Variants in DNAH2 observed in about 807,000 individuals in gnomAD.
The protein encoded by DNAH2 is dynein axonemal heavy chain 2.
DNAH2 carries 323 observed loss-of-function variants against 523.5 expected under a neutral mutation model. The observed-to-expected ratio is 0.62, with a 90% CI of 0.56 to 0.68. The LOEUF (loss-of-function observed/expected upper bound fraction) is 0.68, where lower values mean the gene tolerates loss of function less well. Ranked by LOEUF, DNAH2 falls within the 30% of genes least tolerant of loss-of-function variation. The pLI, the probability that DNAH2 is intolerant of heterozygous loss-of-function variation, is 0.00. For synonymous variants in DNAH2, 2,093 were observed against 2,177.4 expected, an observed-to-expected ratio of 0.96 and a Z score of 1.08; for missense variants, 4,907 against 5,701.5, an observed-to-expected ratio of 0.86 and a Z score of 4.49.
Position 7,786,573 on chromosome 17 carries a change from T to C in DNAH2, c.6352T>C (p.Phe2118Leu), listed in dbSNP as rs1219713263. 2 of 1,613,102 alleles carry C rather than the reference T, an allele frequency of 1.2e-6. No individual in the cohort carries two copies. Among genetic ancestry groups the C allele is most frequent in the Non-Finnish European group, 8.5e-7 (1 of 1,179,636 alleles). The change falls in exon 41 of 86, where the codon TTC becomes CTC. Residue 2118 changes from phenylalanine (F) to leucine (L), a missense_variant. Around this residue, in one of 3 missense-constraint regions of DNAH2, gnomAD observed 2,806 missense variants for 3,190.8 expected, o/e 0.88. Transcript: ENST00000572933. The surrounding 1 kb of genome is among the most constrained non-coding windows in gnomAD (Gnocchi z 7.5). The part of the protein sequence containing the change: ...GDPNFNIVRE[F>L]PLNPKALSLG... Reference sequence around the variant, plus strand: ...CCCCTTCCGGTGTCATTTTCAGGAGTTCCCTTTGAACCCCAAGGCATTGTC... The same window carrying C: ...CCCCTTCCGGTGTCATTTTCAGGAGCTCCCTTTGAACCCCAAGGCATTGTC...
chr17:7,736,475 T>C (rs772723597), intron 7 of DNAH2, among the ~76,000 whole-genome samples: 5 of 152,142 alleles, frequency 3.3e-5, no homozygotes, highest in Non-Finnish European at 7.3e-5. Context: ...TGAATTCAAC[T>C]GGAGAAAACA....
chr17:7,755,990 A>G (rs1349140459), intron 12 of DNAH2, among the ~76,000 whole-genome samples: 1 of 151,966 alleles, frequency 6.6e-6, no homozygotes, highest in East Asian at 2.0e-4. Flanking sequence ...TAATCCCAGC[A>G]CTTTGGGTGC....
Position 7,718,809 on chromosome 17 carries a change from A to G in DNAH2, c.-15+10A>G, listed in dbSNP as rs1191491807. 2 of 152,734 alleles carry G rather than the reference A, an allele frequency of 1.3e-5. No individual in the cohort carries two copies. The highest frequency in any genetic ancestry group is 4.8e-5 in the African/African-American group (2 of 41,430). 9.5% of individuals were successfully genotyped at this position (152,734 alleles called of 1,614,324 possible). A position where few individuals can be genotyped will look rare whatever the true frequency, so the allele number is the denominator to read the frequency against. On this transcript the variant is annotated intron_variant, in intron 1 of 85. Transcript: ENST00000572933. Reference sequence around the variant, plus strand: ...AAAGCGATAGACCCAGGTGGCAAATACTGTTTTTCTCTGTTTACAGATGTT... The same window carrying G: ...AAAGCGATAGACCCAGGTGGCAAATGCTGTTTTTCTCTGTTTACAGATGTT...
intron 48 of DNAH2, among the ~76,000 whole-genome samples, chr17:7,793,487 CTTT>C (rs2076968920): frequency 1.5e-5 from 2 of 134,998 alleles, no homozygotes; most frequent in Admixed American, 7.5e-5. Context: ...TTCTTTCTTT[CTTT>C]CTTTCTTTCT....
chr17:7,744,883 G>A (rs2085107645), intron 12 of DNAH2, among the ~76,000 whole-genome samples: 1 of 152,108 alleles, frequency 6.6e-6, no homozygotes, highest in African/African-American at 2.4e-5. Context: ...GATGCCCTTG[G>A]TGTTTATGGA....
intron 77 of DNAH2, among the ~76,000 whole-genome samples, chr17:7,825,469 G>A (rs1284304153): frequency 6.6e-6 from 1 of 152,132 alleles, no homozygotes; most frequent in African/African-American, 2.4e-5. Context: ...GGCCACTTGG[G>A]GCAGCTGTCA....
intron 12 of DNAH2, among the ~76,000 whole-genome samples, chr17:7,751,510 A>G (rs1386893079): frequency 6.6e-6 from 1 of 152,156 alleles, no homozygotes; most frequent in Admixed American, 6.5e-5. Context: ...GTGTAGAGAA[A>G]GAGGTGCAGA....
At chr17:7,740,370 T>G (rs748586125) in intron 9 of DNAH2, 50 bp from the exon 10 acceptor site, 6 of 1,606,680 alleles carry the variant, frequency 3.7e-6, no homozygotes, top group Non-Finnish European at 5.1e-6. Flanking sequence ...GGGTTGGAGT[T>G]GGGGGCAGGC....
intron 8 of DNAH2, chr17:7,739,123 T>C (rs544888677): frequency 6.5e-6 from 4 of 619,662 alleles, no homozygotes; most frequent in South Asian, 5.2e-5. Flanking sequence ...ATTGAACTTA[T>C]GGCCAGGCGC....
rs533738585 is a variant in DNAH2 at position 7,792,421 on chromosome 17, A to G, written c.7145+78A>G. 48 of 1,458,348 alleles carry G rather than the reference A, an allele frequency of 3.3e-5. No individual in the cohort carries two copies. In the East Asian group the frequency reaches 9.5e-4, roughly 29 times the overall value. The allele number at this position is 1,458,348 out of a possible 1,614,324, so 90.3% of individuals were successfully genotyped here. A position where few individuals can be genotyped will look rare whatever the true frequency, so the allele number is the denominator to read the frequency against. ...ATGTGGCAAGAGAGATGGGGCCTAG[A>G]AGCAAAAATGAGCAATAGGAAGGAG... is the stretch of plus-strand genomic sequence containing the variant. On this transcript the variant is annotated intron_variant, in intron 46 of 85. Transcript: ENST00000572933.
At chr17:7,747,844 G>C (rs307621) in intron 12 of DNAH2, among the ~76,000 whole-genome samples, 115,507 of 152,136 alleles carry the variant, frequency 0.76, 44,865 homozygotes, top group East Asian at 1. Context: ...GAAAGAACAC[G>C]ATCACAGTGA....
chr17:7,821,095 G>A lies in DNAH2; in HGVS notation c.11016-148G>A, dbSNP rs117546032. The A allele has an allele frequency of 1.8e-3, 1,959 of 1,093,698 alleles. 3 individuals carry two copies. Among genetic ancestry groups the A allele is most frequent in the Non-Finnish European group, 2.1e-3 (1,698 of 791,656 alleles). The allele number at this position is 1,093,698 out of a possible 1,614,324, so 67.7% of individuals were successfully genotyped here. On this transcript the variant is annotated intron_variant, in intron 72 of 85. Transcript: ENST00000572933. The surrounding 1 kb of genome is among the most constrained non-coding windows in gnomAD (Gnocchi z 5.0). Reference sequence around the variant, plus strand: ...GGGAAATTCTTGTGTCTAGGCCCCTGAGTCCTCAGCTGTTTCCAGGAGGTT... The same window carrying A: ...GGGAAATTCTTGTGTCTAGGCCCCTAAGTCCTCAGCTGTTTCCAGGAGGTT...
chr17:7,760,024 T>C lies in DNAH2; in HGVS notation c.2785+86T>C. ...GCCAGGAGGAGAGACCAGGGCTATT[T>C]CCAGGCATACTGGGCCAGTCACCTC... On this transcript the variant is annotated intron_variant, in intron 17 of 85. Coordinates refer to ENST00000572933, the MANE Select transcript of DNAH2 (RefSeq NM_020877.5). This position sits in a 1 kb window ranked among gnomAD's most constrained non-coding sequence, Gnocchi z 4.0. The C allele has an allele frequency of 6.3e-7, 1 of 1,590,576 alleles. No individual in the cohort carries two copies.
chr17:7,798,621 A>G lies in DNAH2; in HGVS notation c.8462A>G (p.Asp2821Gly). The G allele has an allele frequency of 6.2e-7, 1 of 1,614,074 alleles. No homozygotes were observed. Among genetic ancestry groups the G allele is most frequent in the East Asian group, 2.2e-5 (1 of 44,882 alleles). Reference sequence around the variant, plus strand: ...AAGACCACGTCCTTCATTTTTGTGGACACCCAAATAGCTGATGAGTCCTTC... The same window carrying G: ...AAGACCACGTCCTTCATTTTTGTGGGCACCCAAATAGCTGATGAGTCCTTC... ...ELKTTSFIFV[D>G]TQIADESFLE... The change falls in exon 55 of 86, where the codon GAC becomes GGC. Residue 2821 changes from aspartate (D) to glycine (G), a missense_variant. Transcript: ENST00000572933. This position sits in a 1 kb window ranked among gnomAD's most constrained non-coding sequence, Gnocchi z 5.5.
At chr17:7,799,879 T>C (rs1232863437) in intron 56 of DNAH2, among the ~76,000 whole-genome samples, 3 of 152,150 alleles carry the variant, frequency 2.0e-5, no homozygotes, top group Non-Finnish European at 2.9e-5. Flanking sequence ...AGTGCAGTGC[T>C]CAGTCGTGTG....
rs2151353636 is a variant in DNAH2, at chr17:7,831,269, T to A, written c.12414T>A (p.Pro4138=). Residue 4138 remains proline, a synonymous_variant, in exon 80 of 86, where the codon CCT becomes CCA. Coordinates refer to ENST00000572933, the MANE Select transcript of DNAH2 (RefSeq NM_020877.5). The surrounding 1 kb of genome is among the most constrained non-coding windows in gnomAD (Gnocchi z 4.2). The part of the protein sequence containing the change: ...TLFDTLLSLQ[P]QITPTRAGGQ... The stretch of plus-strand genomic sequence containing the variant: ...TTGATACTTTGCTTTCCTTGCAACC[T>A]CAGATTACACCCACCAGGGCTGGAG... 6.2e-7 allele frequency: 1 copy of A among 1,613,974 alleles called. No individual in the cohort carries two copies. Among genetic ancestry groups the A allele is most frequent in the East Asian group, 2.2e-5 (1 of 44,862 alleles).
chr17:7,799,779 C>T (rs1311061619), intron 56 of DNAH2, among the ~76,000 whole-genome samples: 2 of 152,196 alleles, frequency 1.3e-5, no homozygotes, highest in Admixed American at 1.3e-4. Context: ...GATCACACCA[C>T]TACACTCCAG....
In DNAH2 at chr17:7,733,293, C is replaced by T. The variant is rs776303589; in HGVS notation, c.606C>T (p.His202=). ...GAAATCATTTTGCTTCTCATCTGCACAAGTTCTTGGCCTGCCTGACAGGTA... is the reference window on the plus strand; with the variant it reads ...GAAATCATTTTGCTTCTCATCTGCATAAGTTCTTGGCCTGCCTGACAGGTA... ...SIRNHFASHL[H]KFLACLTDTR... Residue 202 remains histidine, a synonymous_variant, in exon 5 of 86, where the codon CAC becomes CAT. Transcript: ENST00000572933. 5 of 1,614,114 alleles carry T rather than the reference C, an allele frequency of 3.1e-6. No individual in the cohort carries two copies. In the South Asian group the frequency reaches 5.5e-5, roughly 18 times the overall value.
chr17:7,813,268 T>C (rs1597741465), intron 63 of DNAH2, among the ~76,000 whole-genome samples: 1 of 151,418 alleles, frequency 6.6e-6, no homozygotes, highest in Non-Finnish European at 1.5e-5. Flanking sequence ...TTTTTTTTGG[T>C]GGGGGGCATA....
Sources: allele counts gnomAD v4.1 joint callset (sites outside exome capture counted in the v4.1 genomes callset), GRCh38; gene constraint gnomAD v4.1.1; regional missense constraint gnomAD v4.1.1; non-coding constraint Gnocchi (gnomAD v3.1); transcripts MANE v1.5; gene names NCBI Gene and HGNC (gene_info 2026-07-23, HGNC 2026-07-21).